The following FRMD6 variants were observed in gnomAD, a reference collection of about 807,000 sequenced individuals.
FRMD6 encodes the protein FERM domain containing 6.
In FRMD6, 37 loss-of-function variants were observed where a neutral mutation model predicts 73.2. The ratio of observed to expected loss-of-function variants is 0.51; its 90% CI spans 0.39 to 0.66. FRMD6 has a LOEUF of 0.66. Among genes scored for constraint, FRMD6 ranks in the 30% least tolerant of loss-of-function variants. The pLI, the probability that FRMD6 is intolerant of heterozygous loss-of-function variation, is 0.00. For missense variants in FRMD6, 714 were observed against 780.5 expected (o/e 0.91, Z 1.02); for synonymous variants, 273 against 282.2 (o/e 0.97, Z 0.33).
At chr14:51,716,334 T>G (rs1566592246) in intron 10 of FRMD6, among the ~76,000 whole-genome samples, 1 of 152,136 alleles carries the variant, frequency 6.6e-6, no homozygotes, top group Non-Finnish European at 1.5e-5. Context: ...GTTTATGCTT[T>G]CAAAGATTTG....
chr14:51,663,063 C>T (rs561617736), intron 1 of FRMD6, among the ~76,000 whole-genome samples: 11 of 152,024 alleles, frequency 7.2e-5, no homozygotes, highest in African/African-American at 2.4e-4. Context: ...AAAACCACAG[C>T]GAGATACCAT....
upstream of FRMD6, among the ~76,000 whole-genome samples, chr14:51,486,327 C>T (rs909636650): frequency 6.6e-6 from 1 of 152,068 alleles, no homozygotes; most frequent in East Asian, 1.9e-4. Flanking sequence ...ATCCACCATG[C>T]CCGGCCTGCA....
intron 1 of FRMD6, among the ~76,000 whole-genome samples, chr14:51,500,128 C>T (rs2140206647): frequency 6.6e-6 from 1 of 152,284 alleles, no homozygotes; most frequent in South Asian, 2.1e-4. Context: ...AAAATCTGCC[C>T]AAATGTTGCC....
intron 2 of FRMD6, among the ~76,000 whole-genome samples, chr14:51,610,144 T>C (rs1220541536): frequency 7.0e-6 from 1 of 142,126 alleles, no homozygotes; most frequent in African/African-American, 2.5e-5. Context: ...CTAGCTCTCT[T>C]GACCTAGGCA....
chr14:51,558,493 A>C, intron 1 of FRMD6, among the ~76,000 whole-genome samples: 1 of 151,872 alleles, frequency 6.6e-6, no homozygotes, highest in African/African-American at 2.4e-5. Context: ...CAAAAAACAA[A>C]ACTAAATGAG....
At chr14:51,614,652 A>G (rs1890640991) in intron 2 of FRMD6, among the ~76,000 whole-genome samples, 1 of 152,184 alleles carries the variant, frequency 6.6e-6, no homozygotes, top group South Asian at 2.1e-4. Flanking sequence ...ACTCCCATGT[A>G]TGGTTCCTTT....
chr14:51,701,477 T>C (rs1180254981), intron 4 of FRMD6, among the ~76,000 whole-genome samples: 3 of 146,560 alleles, frequency 2.0e-5, no homozygotes, highest in African/African-American at 7.4e-5. Context: ...AAAATGTATA[T>C]ATATATATAC....
At chr14:51,645,601 T>A (rs1476006217) in intron 2 of FRMD6, among the ~76,000 whole-genome samples, 1 of 152,100 alleles carries the variant, frequency 6.6e-6, no homozygotes, top group Non-Finnish European at 1.5e-5. Flanking sequence ...TCCGCCCAGC[T>A]AATTTTTTAT....
At chr14:51,543,560 A>C (rs550776725) in intron 1 of FRMD6, among the ~76,000 whole-genome samples, 7 of 152,132 alleles carry the variant, frequency 4.6e-5, no homozygotes, top group Admixed American at 1.3e-4. Flanking sequence ...CACATGCTTG[A>C]TAATATGCCA....
chr14:51,569,800 C>T (rs1306116381), intron 1 of FRMD6, among the ~76,000 whole-genome samples: 1 of 148,070 alleles, frequency 6.8e-6, no homozygotes, highest in Non-Finnish European at 1.5e-5. Context: ...TCATGCCCGG[C>T]CAGAATTTTC....
At chr14:51,676,681 GTGTT>G (rs1894413932) in intron 1 of FRMD6, among the ~76,000 whole-genome samples, 1 of 152,158 alleles carries the variant, frequency 6.6e-6, no homozygotes, top group African/African-American at 2.4e-5. Context: ...ACATAGAAGA[GTGTT>G]TGTAATGTCT....
chr14:51,635,414 C>T (rs150845317), intron 2 of FRMD6, among the ~76,000 whole-genome samples: 10 of 152,266 alleles, frequency 6.6e-5, no homozygotes, highest in African/African-American at 2.4e-4. Flanking sequence ...AAAAAGGAGG[C>T]AGAGTCTAGC....
the FRMD6 span, among the ~76,000 whole-genome samples, chr14:51,426,316 C>T: frequency 6.6e-6 from 1 of 152,120 alleles, no homozygotes; most frequent in Non-Finnish European, 1.5e-5. Flanking sequence ...GTGTCTCAGC[C>T]TCACCATTTG....
intron 11 of FRMD6, among the ~76,000 whole-genome samples, chr14:51,721,478 C>T (rs964100264): frequency 2.0e-5 from 3 of 152,038 alleles, no homozygotes; most frequent in Non-Finnish European, 4.4e-5. Flanking sequence ...GGCGTAGTGG[C>T]GCGCGTCTTC....
chr14:51,703,120 T>A (rs951549804), intron 5 of FRMD6, among the ~76,000 whole-genome samples: 1 of 152,076 alleles, frequency 6.6e-6, no homozygotes, highest in Non-Finnish European at 1.5e-5. Context: ...CCAGTGAAGC[T>A]ATCCTATCAG....
chr14:51,636,875 A>G (rs1891592131), intron 2 of FRMD6, among the ~76,000 whole-genome samples: 1 of 152,220 alleles, frequency 6.6e-6, no homozygotes, highest in South Asian at 2.1e-4. Context: ...CTGTAGAGAA[A>G]AAAGACCAGA....
intron 1 of FRMD6, among the ~76,000 whole-genome samples, chr14:51,502,120 C>T (rs1386321834): frequency 1.3e-5 from 2 of 151,536 alleles, no homozygotes; most frequent in African/African-American, 2.4e-5. Flanking sequence ...GATATTAGAC[C>T]TTCAAAATTT....
At chr14:51,653,498 C>T (rs879788566) in intron 1 of FRMD6, among the ~76,000 whole-genome samples, 1 of 152,104 alleles carries the variant, frequency 6.6e-6, no homozygotes, top group African/African-American at 2.4e-5. Context: ...GGGTTTCCTT[C>T]TTAGAGCAGT....
chr14:51,617,888 A>G (rs1038990878), intron 2 of FRMD6, among the ~76,000 whole-genome samples: 2 of 152,164 alleles, frequency 1.3e-5, no homozygotes, highest in African/African-American at 4.8e-5. Context: ...TAGAACACTC[A>G]TGCACTTTAA....
Sources: gnomAD v4.1 joint callset for allele counts (sites outside exome capture counted in the v4.1 genomes callset) on GRCh38, gnomAD v4.1.1 for gene constraint, MANE v1.5 for transcripts, NCBI Gene and HGNC (gene_info 2026-07-23, HGNC 2026-07-21) for gene names.